Variants in OR7E24 observed in about 807,000 individuals in gnomAD.
OR7E24 encodes the protein olfactory receptor family 7 subfamily E member 24, also known as olfactory receptor 7E24.
For missense variants in OR7E24, 385 were observed against 410.3 expected (o/e 0.94, Z 0.53); for synonymous variants, 130 against 157.5 (o/e 0.83, Z 1.31).
At chr19:9,243,392 G>A (rs2066121343), upstream of OR7E24, among the ~76,000 whole-genome samples, 1 of 149,398 alleles carries the variant, frequency 6.7e-6, no homozygotes, top group Non-Finnish European at 1.5e-5. Context: ...TGTGCAGGCT[G>A]GAGTACAGTG....
At chr19:9,235,805 T>C in the OR7E24 span, 1 of 1,611,048 alleles carries the variant, frequency 6.2e-7, no homozygotes, top group South Asian at 1.1e-5. Flanking sequence ...TACTCTCAGA[T>C]TGTCTCCTCC....
the OR7E24 span, chr19:9,235,397 TCCAGGCA>T: frequency 1.3e-6 from 2 of 1,591,702 alleles, no homozygotes; most frequent in East Asian, 4.5e-5. Flanking sequence ...CTAGTGAACA[TCCAGGCA>T]CGGAGCAAAG....
the OR7E24 span, among the ~76,000 whole-genome samples, chr19:9,215,274 C>T: frequency 3.1e-4 from 41 of 132,002 alleles, no homozygotes; most frequent in African/African-American, 8.0e-4. Context: ...ACCCAGGAGG[C>T]GGAGGTTGCA....
At chr19:9,213,412 A>C in the OR7E24 span, 2 of 152,074 alleles carry the variant, frequency 1.3e-5, no homozygotes, top group African/African-American at 4.9e-5. Flanking sequence ...AAGCAAAATC[A>C]TAGTTGTTTT....
upstream of OR7E24, among the ~76,000 whole-genome samples, chr19:9,243,504 T>G (rs1031540854): frequency 6.6e-6 from 1 of 152,054 alleles, no homozygotes; most frequent in African/African-American, 2.4e-5. Flanking sequence ...AGGGGGTCTC[T>G]CTATGTGACT....
Position 9,251,037 on chromosome 19 carries a change from TTTAC to T in OR7E24, c.-3_1del. On this transcript the variant is annotated 5_prime_UTR_variant, in exon 1 of 1. Coordinates refer to ENST00000456448, the MANE Select transcript of OR7E24 (RefSeq NM_001079935.2). ...ATATAGACACAGTGCTAGATGCTGG[TTTAC>T]TTATGTCCTATTTTCCAATTCTCTT... The T allele has an allele frequency of 6.5e-7, 1 of 1,550,196 alleles. No individual in the cohort carries two copies. Among genetic ancestry groups the T allele is most frequent in the Non-Finnish European group, 8.7e-7 (1 of 1,147,436 alleles).
the OR7E24 span, chr19:9,208,566 C>G: frequency 1.3e-5 from 2 of 152,040 alleles, no homozygotes; most frequent in African/African-American, 4.8e-5. Context: ...TAAATAATTT[C>G]AGGGTTTTCT....
chr19:9,213,942 C>G, the OR7E24 span: 1 of 1,614,114 alleles, frequency 6.2e-7, no homozygotes, highest in South Asian at 1.1e-5. Flanking sequence ...TTCCAGGGCC[C>G]CCTTCACATC....
the OR7E24 span, among the ~76,000 whole-genome samples, chr19:9,224,778 A>G: frequency 8.3e-4 from 126 of 151,960 alleles, no homozygotes; most frequent in South Asian, 4.4e-3. Context: ...AAAAAAAAAA[A>G]AGAGAGAGAG....
the OR7E24 span, chr19:9,206,605 C>T: frequency 6.6e-6 from 1 of 152,274 alleles, no homozygotes; most frequent in Non-Finnish European, 1.5e-5. Flanking sequence ...TGATATACAG[C>T]AGGTCCTCAA....
At chr19:9,214,696 C>A in the OR7E24 span, 1 of 1,613,986 alleles carries the variant, frequency 6.2e-7, no homozygotes, top group South Asian at 1.1e-5. Flanking sequence ...GAGCTGACGG[C>A]CAGAATGATG....
chr19:9,209,561 A>G, the OR7E24 span: 1 of 152,206 alleles, frequency 6.6e-6, no homozygotes, highest in Admixed American at 6.5e-5. Flanking sequence ...TTTTTAAAAA[A>G]TTTAAAAGAA....
At chr19:9,248,975 T>G (rs969424102), upstream of OR7E24, among the ~76,000 whole-genome samples, 6 of 152,178 alleles carry the variant, frequency 3.9e-5, no homozygotes, top group Non-Finnish European at 8.8e-5. Context: ...GGCTCAACAC[T>G]ATCATCTGAG....
At chr19:9,235,709 G>A in the OR7E24 span, 460 of 1,603,116 alleles carry the variant, frequency 2.9e-4, 5 homozygotes, top group Admixed American at 6.7e-5. Context: ...AAGGTGGCCC[G>A]CTCTGATGCT....
the OR7E24 span, among the ~76,000 whole-genome samples, chr19:9,221,045 C>T: frequency 6.6e-6 from 1 of 151,902 alleles, no homozygotes; most frequent in Non-Finnish European, 1.5e-5. Flanking sequence ...GAGGCCTAGA[C>T]GGGCGGATCA....
At chr19:9,233,712 C>G in the OR7E24 span, among the ~76,000 whole-genome samples, 1 of 152,120 alleles carries the variant, frequency 6.6e-6, no homozygotes, top group East Asian at 1.9e-4. Context: ...GACACTCATG[C>G]AAGGCAGATT....
chr19:9,239,259 TCC>T, the OR7E24 span, among the ~76,000 whole-genome samples: 2 of 151,914 alleles, frequency 1.3e-5, no homozygotes, highest in African/African-American at 4.8e-5. Flanking sequence ...AAGCTCCCCC[TCC>T]TTGGTTCACA....
chr19:9,236,020 A>C, the OR7E24 span: 34 of 1,610,584 alleles, frequency 2.1e-5, no homozygotes, highest in Non-Finnish European at 2.9e-5. Context: ...CTACAGCCTG[A>C]GGAACAAGGA....
upstream of OR7E24, among the ~76,000 whole-genome samples, chr19:9,246,288 T>C (rs1449332917): frequency 1.3e-5 from 2 of 151,958 alleles, no homozygotes; most frequent in East Asian, 3.9e-4. Flanking sequence ...CAGGATGGTC[T>C]CGATCTCCTG....
Sources: allele counts gnomAD v4.1 joint callset (sites outside exome capture counted in the v4.1 genomes callset), GRCh38; gene constraint gnomAD v4.1.1; transcripts MANE v1.5; gene names NCBI Gene and HGNC (gene_info 2026-07-23, HGNC 2026-07-21).